The following ASIC4 variants were observed in gnomAD, a reference collection of about 807,000 sequenced individuals.
ASIC4 encodes acid-sensing ion channel 4.
A neutral mutation model predicts 53.4 loss-of-function variants in ASIC4; 28 were observed. The ratio of observed to expected loss-of-function variants is 0.52; its 90% CI spans 0.39 to 0.72. ASIC4 has a LOEUF of 0.72. Ranked by LOEUF, ASIC4 falls within the 30% of genes least tolerant of loss-of-function variation. The probability of loss-of-function intolerance (pLI) is 0.00; values close to 1 mark genes in which losing one functional copy is unlikely to be tolerated. For synonymous variants in ASIC4, 289 were observed against 301.4 expected, an observed-to-expected ratio of 0.96 and a Z score of 0.43; for missense variants, 649 against 729.7, an observed-to-expected ratio of 0.89 and a Z score of 1.27.
At position 219,537,759 on chromosome 2, in the gene ASIC4, T is replaced by A; in HGVS notation, c.1506+23T>A. Reference sequence around the variant, plus strand: ...CAGGTGAGGACAAGCTCTAAATGCCTGCAGCATGCAGCCACACCTCCCCAG... The same window carrying A: ...CAGGTGAGGACAAGCTCTAAATGCCAGCAGCATGCAGCCACACCTCCCCAG... On this transcript the variant is annotated intron_variant, in intron 9 of 9. Transcript: ENST00000358078. This position sits in a 1 kb window ranked among gnomAD's most constrained non-coding sequence, Gnocchi z 4.9. The A allele has an allele frequency of 6.3e-7, 1 of 1,598,984 alleles. No individual in the cohort carries two copies. The highest frequency in any genetic ancestry group is 8.5e-7 in the Non-Finnish European group (1 of 1,170,622).
At chr2:219,509,453 G>A (rs1198440185), upstream of ASIC4, among the ~76,000 whole-genome samples, 1 of 152,142 alleles carries the variant, frequency 6.6e-6, no homozygotes, top group Non-Finnish European at 1.5e-5. The surrounding 1 kb of genome is among the most constrained non-coding windows in gnomAD (Gnocchi z 5.2). Flanking sequence ...ACGCTCCCTC[G>A]TGTGCAGAGA....
At chr2:219,521,322 G>A (rs1240457341) in intron 1 of ASIC4, among the ~76,000 whole-genome samples, 1 of 152,240 alleles carries the variant, frequency 6.6e-6, no homozygotes, top group Non-Finnish European at 1.5e-5. Flanking sequence ...CAGCTTCTCA[G>A]ACACTGCCGG....
At chr2:219,532,585 G>A (rs1052062931) in intron 4 of ASIC4, 108 bp downstream of exon 4, 2 of 1,410,178 alleles carry the variant, frequency 1.4e-6, no homozygotes, top group South Asian at 1.3e-5. Flanking sequence ...TATACAACAT[G>A]TGTATGTGTC....
At chr2:219,510,018 G>A (rs1223882190), upstream of ASIC4, among the ~76,000 whole-genome samples, 1 of 151,886 alleles carries the variant, frequency 6.6e-6, no homozygotes, top group East Asian at 1.9e-4. This position sits in a 1 kb window ranked among gnomAD's most constrained non-coding sequence, Gnocchi z 5.2. Context: ...CTCTGTCAAT[G>A]GCAGAAAAGT....
chr2:219,510,520 A>G (rs1021068599), upstream of ASIC4, among the ~76,000 whole-genome samples: 12 of 151,998 alleles, frequency 7.9e-5, no homozygotes, highest in South Asian at 2.1e-4. This position sits in a 1 kb window ranked among gnomAD's most constrained non-coding sequence, Gnocchi z 5.2. Flanking sequence ...CAGGCCCCAC[A>G]GACTTTGTTA....
Position 219,537,875 on chromosome 2 carries a change from C to A in ASIC4, c.1507-58C>A. 6.7e-7 allele frequency: 1 copy of A among 1,503,302 alleles called. No individual in the cohort carries two copies. Among genetic ancestry groups the A allele is most frequent in the Non-Finnish European group, 9.1e-7 (1 of 1,100,850 alleles). The allele number at this position is 1,503,302 out of a possible 1,614,324, so 93.1% of individuals were successfully genotyped here. ...GACAAGGAAAGGCTGGCGGTGTGAG[C>A]CCTGGGGGCACCACTTGAGCTCTCC... is the stretch of plus-strand genomic sequence containing the variant. On this transcript the variant is annotated intron_variant, in intron 9 of 9. Coordinates refer to ENST00000358078, the MANE Select transcript of ASIC4 (RefSeq NM_018674.6). The surrounding 1 kb of genome is among the most constrained non-coding windows in gnomAD (Gnocchi z 4.9).
At chr2:219,526,653 G>A (rs1277159481) in intron 1 of ASIC4, among the ~76,000 whole-genome samples, 2 of 152,080 alleles carry the variant, frequency 1.3e-5, no homozygotes, top group South Asian at 2.1e-4. Flanking sequence ...AGAGGCTAGC[G>A]AGGCAGACAG....
At chr2:219,515,392 A>T in intron 1 of ASIC4, 86 bp downstream of exon 1, 4 of 1,483,238 alleles carry the variant, frequency 2.7e-6, no homozygotes, top group Non-Finnish European at 3.6e-6. Context: ...GTACAGGGGC[A>T]TCCTCAACAG....
chr2:219,532,395 CT>C lies in ASIC4; in HGVS notation c.937del (p.Tyr313ThrfsTer65). ...AGCCTGAGCTTCAGGGCTACTCGGCCTACAGTGTGTCTGCCTGCCGGCTGCG... is the reference window on the plus strand; with the variant it reads ...AGCCTGAGCTTCAGGGCTACTCGGCCACAGTGTGTCTGCCTGCCGGCTGCG... ...REPELQGYSA[Y>X]SVSACRLRCE... On this transcript the variant is annotated frameshift_variant, in exon 4 of 10. Coordinates refer to ENST00000358078, the MANE Select transcript of ASIC4 (RefSeq NM_018674.6). LOFTEE classifies it high-confidence loss of function. 1 of 1,614,128 alleles carries C rather than the reference CT, an allele frequency of 6.2e-7. No individual in the cohort carries two copies. Among genetic ancestry groups the C allele is most frequent in the African/African-American group, 1.3e-5 (1 of 75,068 alleles).
intron 1 of ASIC4, among the ~76,000 whole-genome samples, chr2:219,524,058 A>G (rs952694056): frequency 1.3e-5 from 2 of 152,168 alleles, no homozygotes; most frequent in Non-Finnish European, 2.9e-5. Flanking sequence ...CTTGGGCTCA[A>G]TCGATCCTCC....
chr2:219,528,343 C>T (rs1473299426), intron 1 of ASIC4, among the ~76,000 whole-genome samples: 1 of 151,794 alleles, frequency 6.6e-6, no homozygotes, highest in Non-Finnish European at 1.5e-5. Context: ...CCTATCTCAG[C>T]CCCCTGAGTA....
intron 1 of ASIC4, among the ~76,000 whole-genome samples, chr2:219,522,877 G>C (rs1025835835): frequency 7.9e-5 from 12 of 152,128 alleles, no homozygotes; most frequent in African/African-American, 2.9e-4. Context: ...GAGCGGAGGA[G>C]CCCGCAGGAG....
At chr2:219,520,508 T>G (rs73991596) in intron 1 of ASIC4, among the ~76,000 whole-genome samples, 120 of 152,280 alleles carry the variant, frequency 7.9e-4, no homozygotes, top group African/African-American at 2.8e-3. Context: ...CCCCCTACAC[T>G]TGGCCCTGGG....
At chr2:219,510,409 C>T (rs1362473523), upstream of ASIC4, among the ~76,000 whole-genome samples, 1 of 152,210 alleles carries the variant, frequency 6.6e-6, no homozygotes. The surrounding 1 kb of genome is among the most constrained non-coding windows in gnomAD (Gnocchi z 5.2). Context: ...GCTGACACCG[C>T]CTCTGTACCC....
chr2:219,533,984 G>A (rs1168609722), intron 5 of ASIC4: 10 of 138,154 alleles, frequency 7.2e-5, no homozygotes, highest in African/African-American at 2.5e-4. Flanking sequence ...CGGTGAGCTG[G>A]GATCACACCA....
At chr2:219,531,492 G>A (rs1269995836) in intron 1 of ASIC4, among the ~76,000 whole-genome samples, 2 of 152,216 alleles carry the variant, frequency 1.3e-5, no homozygotes, top group Non-Finnish European at 2.9e-5. Context: ...TGGTTTACTA[G>A]GGTGGAGGAA....
chr2:219,531,958 T>C (rs774836309), intron 2 of ASIC4, 43 bp from the exon 3 acceptor site: 1 of 1,613,006 alleles, frequency 6.2e-7, no homozygotes. Context: ...CTGGGCCCTC[T>C]GCCTGGGATG....
chr2:219,532,970 C>T (rs1574494396), intron 5 of ASIC4, 31 bp downstream of exon 5: 1 of 1,600,310 alleles, frequency 6.2e-7, no homozygotes, highest in Non-Finnish European at 8.6e-7. Flanking sequence ...CCTACCTCTC[C>T]ATCAGCCTCT....
chr2:219,532,991 G>A lies in ASIC4; in HGVS notation c.1075+52G>A, dbSNP rs139742118. 2.1e-3 allele frequency: 3,200 copies of A among 1,551,898 alleles called. 51 individuals carry two copies. The African/African-American group carries it at 0.035, about 17-fold the overall frequency. ...TCTCCATCAGCCTCTTCATGTCTCT[G>A]TCCACTCTTCTCCTCACTGTCTTGG... is the stretch of plus-strand genomic sequence containing the variant. On this transcript the variant is annotated intron_variant, in intron 5 of 9. Transcript: ENST00000358078.
Sources: allele counts gnomAD v4.1 joint callset (sites outside exome capture counted in the v4.1 genomes callset), GRCh38; gene constraint gnomAD v4.1.1; non-coding constraint Gnocchi (gnomAD v3.1); transcripts MANE v1.5; gene names NCBI Gene and HGNC (gene_info 2026-07-23, HGNC 2026-07-21).